The following NFKB1 variants were observed in gnomAD, a reference collection of about 807,000 sequenced individuals.
NFKB1 encodes nuclear factor kappa B subunit 1.
NFKB1 carries 9 observed loss-of-function variants against 105.1 expected under a neutral mutation model. The observed-to-expected ratio is 0.09, with a 90% confidence interval of 0.05 to 0.15. The LOEUF is 0.15. NFKB1 is among the 10% of genes least tolerant of loss of function. The pLI, the probability that NFKB1 is intolerant of heterozygous loss-of-function variation, is 1.00. For synonymous variants in NFKB1, 440 were observed against 442.2 expected (o/e 1.00, Z 0.06); for missense variants, 830 against 1,203.7 (o/e 0.69, Z 4.59).
intron 1 of NFKB1, among the ~76,000 whole-genome samples, chr4:102,517,017 A>G (rs981868009): frequency 7.9e-5 from 12 of 152,144 alleles, no homozygotes; most frequent in African/African-American, 2.9e-4. Flanking sequence ...CGGAATTTCC[A>G]TTTAGCTCTT....
At chr4:102,509,192 G>A (rs919537352) in intron 1 of NFKB1, among the ~76,000 whole-genome samples, 40 of 152,168 alleles carry the variant, frequency 2.6e-4, no homozygotes, top group African/African-American at 8.9e-4. Flanking sequence ...ATATCATAGC[G>A]TTAATTTGAG....
At chr4:102,610,899 A>C (rs1728345496) in intron 20 of NFKB1, among the ~76,000 whole-genome samples, 200 bp downstream of exon 20, 1 of 152,212 alleles carries the variant, frequency 6.6e-6, no homozygotes. Context: ...TCTGAGTACG[A>C]AAGTGTATGC....
At chr4:102,584,337 G>A (rs1005434861) in intron 10 of NFKB1, among the ~76,000 whole-genome samples, 1 of 152,094 alleles carries the variant, frequency 6.6e-6, no homozygotes, top group African/African-American at 2.4e-5. Context: ...AATAATCTTG[G>A]AGGCTTTTAA....
intron 1 of NFKB1, among the ~76,000 whole-genome samples, chr4:102,504,991 A>G (rs990481051): frequency 1.2e-4 from 18 of 152,330 alleles, no homozygotes; most frequent in African/African-American, 4.1e-4. Flanking sequence ...ATTAGTATCC[A>G]GTGCCTCACT....
chr4:102,597,569 T>C lies in NFKB1; in HGVS notation c.1545T>C (p.Asn515=), dbSNP rs1726734892. ...KAMQLAKRHA[N]ALFDYAVTGD... is the part of the protein sequence containing the mutation. The stretch of plus-strand genomic sequence containing the variant: ...TGCAGCTTGCAAAGAGGCATGCCAA[T>C]GCCCTTTTCGACTACGCGGTGACAG... Residue 515 remains asparagine, a synonymous_variant, in exon 15 of 24, where the codon AAT becomes AAC. Transcript: ENST00000226574. 1.2e-6 allele frequency: 2 copies of C among 1,613,820 alleles called. No homozygotes were observed. Among genetic ancestry groups the C allele is most frequent in the Non-Finnish European group, 1.7e-6 (2 of 1,179,840 alleles).
In NFKB1 at chr4:102,607,324, AG is replaced by A; in HGVS notation, c.2124+8del. 1.2e-6 allele frequency: 2 copies of A among 1,608,642 alleles called. No individual in the cohort carries two copies. Among genetic ancestry groups the A allele is most frequent in the Non-Finnish European group, 1.7e-6 (2 of 1,176,460 alleles). On this transcript the variant is annotated splice_donor_region_variant and intron_variant, in intron 18 of 23. Transcript: ENST00000226574. ...GCAGGCTGCCTGCTCCTGGAGGTGAAGGGCACACTTATTTGCTTTTGCATTA... is the reference window on the plus strand; with the variant it reads ...GCAGGCTGCCTGCTCCTGGAGGTGAAGGCACACTTATTTGCTTTTGCATTA...
At chr4:102,514,236 T>G (rs1237184441) in intron 1 of NFKB1, among the ~76,000 whole-genome samples, 1 of 152,124 alleles carries the variant, frequency 6.6e-6, no homozygotes, top group Admixed American at 6.5e-5. Context: ...AGTGGGGTGT[T>G]GTAGACACAC....
rs4648124 is a variant in NFKB1 at position 102,614,443 on chromosome 4, C to T, written c.2749+862C>T. On this transcript the variant is annotated intron_variant, in intron 23 of 23. Coordinates refer to ENST00000226574, the MANE Select transcript of NFKB1 (RefSeq NM_003998.4). The stretch of plus-strand genomic sequence containing the variant: ...CCTCATCTTTAAAAACAAAACACAC[C>T]GAAACAATCACCCTCTTGATCCCAC... Among the ~76,000 whole-genome samples, 365 of 152,266 alleles carry T rather than the reference C, an allele frequency of 2.4e-3. 2 individuals are homozygous for T. The highest frequency in any genetic ancestry group is 8.3e-3 in the African/African-American group (346 of 41,538).
chr4:102,503,554 C>T (rs1739224650), intron 1 of NFKB1: 4 of 152,048 alleles, frequency 2.6e-5, no homozygotes, highest in Admixed American at 2.6e-4. Context: ...GCTGAAATTT[C>T]ATTCTTATGT....
At chr4:102,515,180 G>A (rs1315945809) in intron 1 of NFKB1, among the ~76,000 whole-genome samples, 11 of 137,078 alleles carry the variant, frequency 8.0e-5, no homozygotes, top group Admixed American at 3.2e-4. Flanking sequence ...GCGGGATCTC[G>A]GCTCACTGCA....
chr4:102,607,821 A>G, intron 19 of NFKB1, 70 bp downstream of exon 19: 1 of 1,335,182 alleles, frequency 7.5e-7, no homozygotes, highest in South Asian at 1.2e-5. Flanking sequence ...TCAATAGAGC[A>G]GTCATGTTGC....
chr4:102,506,895 T>A (rs1739449525), intron 1 of NFKB1, among the ~76,000 whole-genome samples: 1 of 151,400 alleles, frequency 6.6e-6, no homozygotes, highest in Non-Finnish European at 1.5e-5. Context: ...AACTAATGTG[T>A]ATATTAAATA....
intron 19 of NFKB1, among the ~76,000 whole-genome samples, chr4:102,609,794 T>TA (rs1728226663): frequency 6.6e-6 from 1 of 152,094 alleles, no homozygotes; most frequent in African/African-American, 2.4e-5. Flanking sequence ...TCCCATTAAG[T>TA]ACTCCTCTAT....
At chr4:102,534,053 T>G (rs1741475117) in intron 4 of NFKB1, among the ~76,000 whole-genome samples, 168 bp downstream of exon 4, 1 of 152,230 alleles carries the variant, frequency 6.6e-6, no homozygotes, top group African/African-American at 2.4e-5. Flanking sequence ...ACATTTCTCT[T>G]ACTCATTGTT....
At chr4:102,609,005 TAG>T (rs1438633219) in intron 19 of NFKB1, among the ~76,000 whole-genome samples, 4 of 151,900 alleles carry the variant, frequency 2.6e-5, no homozygotes, top group Non-Finnish European at 5.9e-5. Context: ...ATTTAAAAAG[TAG>T]CCAGGCATGG....
rs564876944 is a variant in NFKB1 at position 102,556,364 on chromosome 4, G to T, written c.259-10623G>T. Among the ~76,000 whole-genome samples, 4 of 152,276 alleles carry T rather than the reference G, an allele frequency of 2.6e-5. No homozygotes were observed. The East Asian group carries it at 7.7e-4, about 29-fold the overall frequency. On this transcript the variant is annotated intron_variant, in intron 5 of 23. Transcript: ENST00000226574. ...ATGGAGTAGACAATTCAATCCAGGAGACTTGATAAGAATGTCAAGGGAGTG... is the reference window on the plus strand; with the variant it reads ...ATGGAGTAGACAATTCAATCCAGGATACTTGATAAGAATGTCAAGGGAGTG...
chr4:102,551,379 T>C (rs28485089), intron 5 of NFKB1, among the ~76,000 whole-genome samples: 8,853 of 115,966 alleles, frequency 0.076, 291 homozygotes, highest in African/African-American at 0.11. Flanking sequence ...CGCGCGCGCA[T>C]GTGTGTGTGT....
intron 17 of NFKB1, 110 bp downstream of exon 17, chr4:102,606,807 G>T: frequency 8.8e-7 from 1 of 1,131,614 alleles, no homozygotes; most frequent in Non-Finnish European, 1.3e-6. Context: ...GCTTTCCTTA[G>T]TCACCTGGAG....
At chr4:102,513,452 A>G (rs574333243) in intron 1 of NFKB1, among the ~76,000 whole-genome samples, 1 of 152,302 alleles carries the variant, frequency 6.6e-6, no homozygotes, top group East Asian at 1.9e-4. Flanking sequence ...TGCCCAAAAC[A>G]TCTTTTGATC....
Sources: allele counts gnomAD v4.1 joint callset (sites outside exome capture counted in the v4.1 genomes callset), GRCh38; gene constraint gnomAD v4.1.1; transcripts MANE v1.5; gene names NCBI Gene and HGNC (gene_info 2026-07-23, HGNC 2026-07-21).